The following TNRC6B variants were observed in gnomAD, a reference collection of about 807,000 sequenced individuals.
TNRC6B encodes the protein trinucleotide repeat-containing gene 6B protein.
TNRC6B carries 52 observed loss-of-function variants against 203.6 expected under a neutral mutation model. The observed-to-expected ratio is 0.26, with a 90% CI of 0.20 to 0.32. The LOEUF (loss-of-function observed/expected upper bound fraction) is 0.32. Ranked by LOEUF, TNRC6B falls within the 10% of genes least tolerant of loss-of-function variation. The pLI, the probability that TNRC6B is intolerant of heterozygous loss-of-function variation, is 1.00. For missense variants in TNRC6B, 1,923 were observed against 2,286.2 expected (o/e 0.84, Z 3.24); for synonymous variants, 838 against 845.7 (o/e 0.99, Z 0.16).
chr22:40,157,890 G>A (rs553054504), intron 4 of TNRC6B, among the ~76,000 whole-genome samples: 6 of 152,308 alleles, frequency 3.9e-5, no homozygotes, highest in African/African-American at 1.4e-4. Context: ...ATCAGGGTAG[G>A]TAACTTGCCC....
intron 4 of TNRC6B, among the ~76,000 whole-genome samples, chr22:40,170,003 G>C (rs1265827466): frequency 1.3e-5 from 2 of 151,760 alleles, no homozygotes; most frequent in Non-Finnish European, 2.9e-5. Flanking sequence ...TTAGGGGCTG[G>C]GCATGGTGAC....
At chr22:40,216,626 A>G (rs2069638559) in intron 1 of TNRC6B, among the ~76,000 whole-genome samples, 2 of 152,198 alleles carry the variant, frequency 1.3e-5, no homozygotes. Flanking sequence ...ATAAAAAAAC[A>G]GAAACAAAAA....
At position 40,134,512 on chromosome 22, in the gene TNRC6B, C is replaced by T. The variant is rs2068581738; in HGVS notation, c.45+8650C>T. Among the ~76,000 whole-genome samples the T allele has an allele frequency of 2.0e-5, 3 of 152,128 alleles. 1 individual carries two copies. The highest frequency in any genetic ancestry group is 2.0e-4 in the Admixed American group (3 of 15,262). ...TGGTATTCTGGATGGGATCCTGGAA[C>T]ATTAGGTAAAAACTAAGCAAATTTA... On this transcript the variant is annotated intron_variant, in intron 3 of 23. Coordinates refer to the TNRC6B transcript ENST00000301923.
intron 3 of TNRC6B, among the ~76,000 whole-genome samples, chr22:40,153,640 G>A (rs559161963): frequency 1.3e-5 from 2 of 151,314 alleles, no homozygotes; most frequent in Non-Finnish European, 2.9e-5. Context: ...TTTAATTATA[G>A]CATTCCATAT....
At chr22:40,053,106 C>A (rs560878328) in intron 1 of TNRC6B, among the ~76,000 whole-genome samples, 1 of 147,542 alleles carries the variant, frequency 6.8e-6, no homozygotes, top group African/African-American at 2.5e-5. Flanking sequence ...GACTGACATA[C>A]TAAAAGCTTT....
At chr22:40,165,037 C>T (rs1031684154) in intron 4 of TNRC6B, among the ~76,000 whole-genome samples, 4 of 151,336 alleles carry the variant, frequency 2.6e-5, no homozygotes, top group Admixed American at 1.3e-4. Context: ...CTGCCTCAGC[C>T]TCCCAAAGTG....
intron 4 of TNRC6B, among the ~76,000 whole-genome samples, chr22:40,171,212 A>G (rs1601856959): frequency 7.7e-6 from 1 of 129,722 alleles, no homozygotes; most frequent in African/African-American, 3.0e-5. Flanking sequence ...CCCAGGCTGG[A>G]GTGCAGTGGC....
chr22:40,231,393 C>G (rs1288630915), intron 1 of TNRC6B, among the ~76,000 whole-genome samples: 1 of 152,148 alleles, frequency 6.6e-6, no homozygotes, highest in African/African-American at 2.4e-5. Context: ...TACATCTCTT[C>G]ACTTACGTAG....
rs577832639 is a variant in TNRC6B, at chr22:40,226,551, C to T, written c.6-19464C>T. Reference sequence around the variant, plus strand: ...TAAAATTCTTGGTTTTTTCTTAAAGCGTAGATCTGGAAAGGTGTGCAAAAA... The same window carrying T: ...TAAAATTCTTGGTTTTTTCTTAAAGTGTAGATCTGGAAAGGTGTGCAAAAA... On this transcript the variant is annotated intron_variant, in intron 1 of 22. Transcript: ENST00000454349. Among the ~76,000 whole-genome samples, 6 of 152,080 alleles carry T rather than the reference C, an allele frequency of 3.9e-5. No individual in the cohort carries two copies. The South Asian group carries it at 6.2e-4, about 16-fold the overall frequency.
intron 1 of TNRC6B, among the ~76,000 whole-genome samples, chr22:40,228,708 T>G (rs1412082308): frequency 6.6e-6 from 1 of 151,366 alleles, no homozygotes; most frequent in Non-Finnish European, 1.5e-5. Context: ...TTTTTTTTAG[T>G]AGGGACGGCG....
At position 40,125,862 on chromosome 22, in the gene TNRC6B, G is replaced by A. The variant is rs780457714; in HGVS notation, c.45G>A (p.Lys15=). 1.9e-6 allele frequency: 3 copies of A among 1,611,594 alleles called. No individual in the cohort carries two copies. In the South Asian group the frequency reaches 3.3e-5, roughly 18 times the overall value. ...AAGTATCGGAAGAAAGCAGTTCCAAGGTCAGTAAATTACTGAAAGGTACAG... is the reference window on the plus strand; with the variant it reads ...AAGTATCGGAAGAAAGCAGTTCCAAAGTCAGTAAATTACTGAAAGGTACAG... Residue 15 remains lysine, a splice_region_variant and synonymous_variant, in exon 3 of 24, where the codon AAG becomes AAA. Coordinates refer to the TNRC6B transcript ENST00000301923.
In TNRC6B at chr22:40,273,592, C is replaced by A. The variant is rs2070595500; in HGVS notation, c.3133C>A (p.Gln1045Lys). The stretch of plus-strand genomic sequence containing the variant: ...AAGCTGGGGACAAGGAGGAAAGAAA[C>A]AAATGAAGGTAGCCTGCTTAGAAAT... ...SASWGQGGKK[Q>K]MKCSLKGGNN... is the part of the protein sequence containing the mutation. The change falls in exon 7 of 23, where the codon CAA (glutamine) becomes AAA (lysine). Residue 1045 changes from glutamine to lysine, a missense_variant. Physicochemically the swap from Gln to Lys is moderately conservative, Grantham distance 53. This residue lies in a region of TNRC6B where 599 missense variants were observed against 656.5 expected (regional missense o/e 0.91). Transcript: ENST00000454349. The A allele has an allele frequency of 6.4e-7, 1 of 1,574,786 alleles. No individual in the cohort carries two copies. Among genetic ancestry groups the A allele is most frequent in the East Asian group, 2.3e-5 (1 of 42,796 alleles).
chr22:40,175,226 A>G (rs897906794), upstream of TNRC6B, among the ~76,000 whole-genome samples: 2 of 151,532 alleles, frequency 1.3e-5, no homozygotes, highest in African/African-American at 4.9e-5. Context: ...GCATGGTGGC[A>G]TGTGTCTGTA....
intron 1 of TNRC6B, among the ~76,000 whole-genome samples, chr22:40,054,317 C>T (rs1278414014): frequency 6.6e-6 from 1 of 152,176 alleles, no homozygotes; most frequent in African/African-American, 2.4e-5. Context: ...GCCAGCGTCC[C>T]CTGCCTCTTT....
In TNRC6B at chr22:40,137,982, CA is replaced by C. The variant is rs10578847; in HGVS notation, c.45+12137del. Among the ~76,000 whole-genome samples, 375 of 109,880 alleles carry C rather than the reference CA, an allele frequency of 3.4e-3. 1 individual carries two copies. Among genetic ancestry groups the C allele is most frequent in the African/African-American group, 5.8e-3 (167 of 29,040 alleles). 72.1% of individuals were successfully genotyped at this position (109,880 alleles called of 152,430 possible). ...TGGACAACAAAGCTAGACTGTATCT[CA>C]AAAAAAAAAAAAAAAAGAATGACCT... On this transcript the variant is annotated intron_variant, in intron 3 of 23. Coordinates refer to the TNRC6B transcript ENST00000301923.
intron 3 of TNRC6B, among the ~76,000 whole-genome samples, chr22:40,154,913 T>A (rs1306411780): frequency 6.1e-5 from 7 of 115,062 alleles, no homozygotes; most frequent in African/African-American, 2.4e-4. Flanking sequence ...ATATATATTC[T>A]GCTTCAATTT....
chr22:40,312,740 A>G, intron 18 of TNRC6B, 89 bp downstream of exon 18: 1 of 1,526,310 alleles, frequency 6.6e-7, no homozygotes, highest in Non-Finnish European at 8.9e-7. Context: ...GCTGGTACCT[A>G]AAAGTTTAAC....
rs116755560 is a variant in TNRC6B at position 40,318,105 on chromosome 22, C to T, written c.4974+2093C>T. Among the ~76,000 whole-genome samples, 303 of 152,256 alleles carry T rather than the reference C, an allele frequency of 2.0e-3. 1 individual carries two copies. The highest frequency in any genetic ancestry group is 7.1e-3 in the African/African-American group (296 of 41,522). ...TGATTCTCTGTGGGGAAATACATCT[C>T]CTAAATACATTTGCCCATTTGTAGG... is the stretch of plus-strand genomic sequence containing the variant. On this transcript the variant is annotated intron_variant, in intron 21 of 22. Coordinates refer to ENST00000454349, the MANE Select transcript of TNRC6B (RefSeq NM_001162501.2).
At chr22:40,208,131 A>C (rs2069510281) in intron 1 of TNRC6B, among the ~76,000 whole-genome samples, 1 of 105,664 alleles carries the variant, frequency 9.5e-6, no homozygotes, top group Non-Finnish European at 2.3e-5. Flanking sequence ...AAAAAAAAAA[A>C]ACAAAAAAAC....
Sources: allele counts gnomAD v4.1 joint callset (sites outside exome capture counted in the v4.1 genomes callset), GRCh38; gene constraint gnomAD v4.1.1; regional missense constraint gnomAD v4.1.1; transcripts MANE v1.5; gene names NCBI Gene and HGNC (gene_info 2026-07-23, HGNC 2026-07-21).